ATP8A2: variants seen among roughly 807,000 people sequenced by gnomAD.
ATP8A2 encodes the protein ATPase phospholipid transporting 8A2.
ATP8A2 carries 100 observed loss-of-function variants against 165.6 expected under a neutral mutation model. The observed-to-expected ratio is 0.60, with a 90% confidence interval of 0.51 to 0.71. The LOEUF (loss-of-function observed/expected upper bound fraction) is 0.71, where lower values mean the gene tolerates loss of function less well. Among genes scored for constraint, ATP8A2 ranks in the 30% least tolerant of loss-of-function variants. The pLI is 0.00. For synonymous variants in ATP8A2, 543 were observed against 548.8 expected, an observed-to-expected ratio of 0.99 and a Z score of 0.15; for missense variants, 1,227 against 1,479.5, an observed-to-expected ratio of 0.83 and a Z score of 2.80.
chr13:25,974,854 G>A (rs1955995758), intron 35 of ATP8A2, among the ~76,000 whole-genome samples: 1 of 152,070 alleles, frequency 6.6e-6, no homozygotes, highest in Non-Finnish European at 1.5e-5. Context: ...CCCTTGGGGT[G>A]GTGCCTGTCC....
chr13:25,974,035 T>C (rs1955971020), intron 35 of ATP8A2, among the ~76,000 whole-genome samples: 1 of 152,218 alleles, frequency 6.6e-6, no homozygotes, highest in Non-Finnish European at 1.5e-5. Flanking sequence ...TGGTTGAGAT[T>C]TATTTTCCTT....
intron 25 of ATP8A2, among the ~76,000 whole-genome samples, chr13:25,727,418 G>A (rs2043518226): frequency 6.6e-6 from 1 of 152,148 alleles, no homozygotes; most frequent in African/African-American, 2.4e-5. Context: ...TCAACGCCAA[G>A]GGAGCCGCCC....
chr13:25,383,219 T>C (rs2032919225), intron 1 of ATP8A2, among the ~76,000 whole-genome samples: 1 of 152,050 alleles, frequency 6.6e-6, no homozygotes. Context: ...CTAATATTTG[T>C]ATTTTTAGTA....
chr13:25,663,627 A>G (rs949386395), intron 24 of ATP8A2, among the ~76,000 whole-genome samples: 6 of 152,268 alleles, frequency 3.9e-5, no homozygotes, highest in Middle Eastern at 3.4e-3. Context: ...CTGAACTAGA[A>G]TTCTCTTTGT....
intron 33 of ATP8A2, among the ~76,000 whole-genome samples, chr13:25,882,805 C>T (rs901007267): frequency 1.3e-5 from 2 of 152,020 alleles, no homozygotes; most frequent in Admixed American, 6.5e-5. Flanking sequence ...AAATCCCAAG[C>T]GTCTACTCAC....
At chr13:25,402,025 C>T (rs1308428989) in intron 1 of ATP8A2, among the ~76,000 whole-genome samples, 1 of 151,932 alleles carries the variant, frequency 6.6e-6, no homozygotes, top group Non-Finnish European at 1.5e-5. Context: ...CAGCCTGGGG[C>T]CATTAGTAAG....
At chr13:25,476,423 C>T (rs1351928855) in intron 2 of ATP8A2, among the ~76,000 whole-genome samples, 1 of 151,796 alleles carries the variant, frequency 6.6e-6, no homozygotes, top group Non-Finnish European at 1.5e-5. Context: ...CGAGTAGCTG[C>T]GATTACAGGC....
intron 24 of ATP8A2, among the ~76,000 whole-genome samples, chr13:25,646,524 TG>T (rs1374860777): frequency 6.6e-6 from 1 of 151,508 alleles, no homozygotes; most frequent in Non-Finnish European, 1.5e-5. Context: ...GGTGTGGTGG[TG>T]GGCGCCTGTA....
At chr13:25,512,817 C>G (rs1474486232) in intron 2 of ATP8A2, among the ~76,000 whole-genome samples, 5 of 138,968 alleles carry the variant, frequency 3.6e-5, no homozygotes, top group African/African-American at 1.4e-4. Context: ...TACGGGGCGG[C>G]TGGCCGGGCA....
Position 25,774,973 on chromosome 13 carries a change from T to A in ATP8A2, c.2679+14T>A. On this transcript the variant is annotated intron_variant, in intron 27 of 36. Coordinates refer to ENST00000381655, the MANE Select transcript of ATP8A2 (RefSeq NM_016529.6). The stretch of plus-strand genomic sequence containing the variant: ...TATATTATTGAGGTAAGAAGGGGTA[T>A]TTTTTTTCCTTGAAGAGAAAGTTCT... 1 of 1,365,474 alleles carries A rather than the reference T, an allele frequency of 7.3e-7. No homozygotes were observed. Among genetic ancestry groups the A allele is most frequent in the Non-Finnish European group, 1.0e-6 (1 of 973,060 alleles). The allele number at this position is 1,365,474 out of a possible 1,614,324, so 84.6% of individuals were successfully genotyped here. A position where few individuals can be genotyped will look rare whatever the true frequency, so the allele number is the denominator to read the frequency against.
At position 25,810,681 on chromosome 13, in the gene ATP8A2, C is replaced by G. The variant is rs550721343; in HGVS notation, c.2680-17437C>G. Among the ~76,000 whole-genome samples, 781 of 152,150 alleles carry G rather than the reference C, an allele frequency of 5.1e-3. 7 individuals carry two copies. Among genetic ancestry groups the G allele is most frequent in the African/African-American group, 0.018 (728 of 41,524 alleles). On this transcript the variant is annotated intron_variant, in intron 27 of 36. Coordinates refer to ENST00000381655, the MANE Select transcript of ATP8A2 (RefSeq NM_016529.6). The stretch of plus-strand genomic sequence containing the variant: ...AACAATAATATATGACTGTGTCTAT[C>G]TTAGTAAATAAATTTCTAAAAAGCT...
intron 27 of ATP8A2, among the ~76,000 whole-genome samples, chr13:25,790,833 A>G (rs10162057): frequency 6.6e-6 from 1 of 152,188 alleles, no homozygotes; most frequent in Non-Finnish European, 1.5e-5. Context: ...ACAGTGAAAT[A>G]CCATCTGACA....
chr13:25,537,059 G>A (rs1011622076), intron 6 of ATP8A2, among the ~76,000 whole-genome samples: 1 of 152,182 alleles, frequency 6.6e-6, no homozygotes, highest in Non-Finnish European at 1.5e-5. Flanking sequence ...CTACCCTAGT[G>A]CTTTCTGCGA....
intron 24 of ATP8A2, among the ~76,000 whole-genome samples, chr13:25,683,599 G>T (rs886384270): frequency 3.3e-5 from 5 of 152,082 alleles, no homozygotes; most frequent in Admixed American, 2.0e-4. Flanking sequence ...GAGCCGTGCG[G>T]AATTACAAAT....
chr13:25,983,985 C>T (rs1466309560), intron 35 of ATP8A2, among the ~76,000 whole-genome samples: 3 of 151,982 alleles, frequency 2.0e-5, no homozygotes, highest in Non-Finnish European at 4.4e-5. Context: ...ATCATCCAAG[C>T]ACTTTGGGAG....
At chr13:25,422,228 A>G (rs552169395) in intron 1 of ATP8A2, among the ~76,000 whole-genome samples, 63 of 152,344 alleles carry the variant, frequency 4.1e-4, no homozygotes, top group African/African-American at 1.4e-3. Context: ...AAATACATAC[A>G]GAGGCATTTT....
intron 24 of ATP8A2, among the ~76,000 whole-genome samples, chr13:25,589,995 T>A (rs1182030192): frequency 6.6e-6 from 1 of 152,216 alleles, no homozygotes; most frequent in Non-Finnish European, 1.5e-5. Flanking sequence ...TATGAAATAT[T>A]AGTGGAACCT....
rs117237184 is a variant in ATP8A2 at position 25,939,495 on chromosome 13, G to A, written c.3184-22080G>A. On this transcript the variant is annotated intron_variant, in intron 33 of 36. Coordinates refer to ENST00000381655, the MANE Select transcript of ATP8A2 (RefSeq NM_016529.6). ...TCTGGTTCATGTGTCTGCTTCTAGC[G>A]TCTTCCACCTTTTCTCATCACAGCA... Among the ~76,000 whole-genome samples, 626 of 152,242 alleles carry A rather than the reference G, an allele frequency of 4.1e-3. 2 individuals carry two copies. The highest frequency in any genetic ancestry group is 0.014 in the Middle Eastern group (4 of 294).
At chr13:25,985,542 G>T (rs1002365948) in intron 35 of ATP8A2, among the ~76,000 whole-genome samples, 1 of 152,172 alleles carries the variant, frequency 6.6e-6, no homozygotes, top group Non-Finnish European at 1.5e-5. Flanking sequence ...CGTCCCGCTG[G>T]GGGGCAGTCA....
Sources: allele counts gnomAD v4.1 joint callset (sites outside exome capture counted in the v4.1 genomes callset), GRCh38; gene constraint gnomAD v4.1.1; transcripts MANE v1.5; gene names NCBI Gene and HGNC (gene_info 2026-07-23, HGNC 2026-07-21).